VTI1A: variants seen among roughly 807,000 people sequenced by gnomAD.
VTI1A encodes vesicle transport through interaction with t-SNAREs homolog 1A.
VTI1A carries 22 observed loss-of-function variants against 34.9 expected under a neutral mutation model. The observed-to-expected ratio is 0.63, with a 90% CI of 0.45 to 0.90. The LOEUF (loss-of-function observed/expected upper bound fraction) is 0.90. Ranked by LOEUF, VTI1A falls within the 40% of genes least tolerant of loss-of-function variation. The probability of loss-of-function intolerance (pLI) is 0.00; values close to 1 mark genes in which losing one functional copy is unlikely to be tolerated. For missense variants in VTI1A, 268 were observed against 275.6 expected (o/e 0.97, Z 0.20); for synonymous variants, 87 against 97.3 (o/e 0.89, Z 0.62).
Position 112,527,155 on chromosome 10 carries a change from A to G in VTI1A, c.333A>G (p.Ser111=). Residue 111 remains serine, a synonymous_variant, in exon 4 of 8, where the codon TCA becomes TCG. Transcript: ENST00000393077. ...NELLGDDGNS[S]ENQRAHLLDN... ...TCCTGGGGGATGATGGGAATTCCTC[A>G]GAGAACCAGGTAGAATGCTAATCAG... is the stretch of plus-strand genomic sequence containing the variant. 6.2e-7 allele frequency: 1 copy of G among 1,613,486 alleles called. No homozygotes were observed. The highest frequency in any genetic ancestry group is 8.5e-7 in the Non-Finnish European group (1 of 1,179,650).
At position 112,464,290 on chromosome 10, in the gene VTI1A, G is replaced by A. The variant is rs529029162; in HGVS notation, c.154-257G>A. Among the ~76,000 whole-genome samples the A allele has an allele frequency of 3.7e-4, 56 of 152,334 alleles. No individual in the cohort carries two copies. In the South Asian group the frequency reaches 8.5e-3, roughly 23 times the overall value. ...TGGGATGATGGGCGTGAGCCACGGC[G>A]CCTGGCCAAATGTATATGTTTTAAC... On this transcript the variant is annotated intron_variant, in intron 2 of 7. Coordinates refer to ENST00000393077, the MANE Select transcript of VTI1A (RefSeq NM_145206.4).
At chr10:112,810,276 G>A (rs1019814364) in intron 7 of VTI1A, among the ~76,000 whole-genome samples, 1 of 151,694 alleles carries the variant, frequency 6.6e-6, no homozygotes, top group African/African-American at 2.4e-5. Flanking sequence ...GGTGGCAGGT[G>A]CCTGTAATCC....
intron 3 of VTI1A, among the ~76,000 whole-genome samples, chr10:112,518,500 A>G (rs1161109023): frequency 1.3e-5 from 2 of 150,108 alleles, no homozygotes; most frequent in African/African-American, 2.5e-5. Context: ...CTTAAGCCCA[A>G]GGAGTTCAAG....
intron 3 of VTI1A, among the ~76,000 whole-genome samples, chr10:112,507,726 CAAT>C (rs1020563022): frequency 1.3e-5 from 2 of 152,170 alleles, no homozygotes; most frequent in African/African-American, 2.4e-5. Flanking sequence ...TCTGAGCACT[CAAT>C]GATGAACTAT....
chr10:112,830,847 A>ATTT, the VTI1A span, among the ~76,000 whole-genome samples: 13 of 30,990 alleles, frequency 4.2e-4, no homozygotes, highest in South Asian at 1.4e-3. Context: ...ATATATATAT[A>ATTT]TATTTTTTTT....
At chr10:112,738,344 T>C (rs535128030) in intron 7 of VTI1A, among the ~76,000 whole-genome samples, 2 of 152,228 alleles carry the variant, frequency 1.3e-5, no homozygotes, top group Non-Finnish European at 2.9e-5. Context: ...TTCTTTCCTC[T>C]GTGCTTCCTC....
chr10:112,771,254 TA>T (rs1465553747), intron 7 of VTI1A, among the ~76,000 whole-genome samples: 3 of 152,248 alleles, frequency 2.0e-5, no homozygotes, highest in Non-Finnish European at 2.9e-5. Context: ...TTGGAAGAAC[TA>T]AATGAGATCA....
intron 7 of VTI1A, among the ~76,000 whole-genome samples, chr10:112,686,140 A>G (rs1166067574): frequency 6.6e-6 from 1 of 152,202 alleles, no homozygotes; most frequent in Non-Finnish European, 1.5e-5. Context: ...CTGAGTTACG[A>G]TACTTATAAG....
At chr10:112,625,927 ATAAGTCACG>A (rs1845906634) in intron 5 of VTI1A, among the ~76,000 whole-genome samples, 1 of 152,250 alleles carries the variant, frequency 6.6e-6, no homozygotes, top group Non-Finnish European at 1.5e-5. Flanking sequence ...TAAATCTCTA[ATAAGTCACG>A]TAAAGCACTT....
At chr10:112,757,227 G>T (rs754951796) in intron 7 of VTI1A, among the ~76,000 whole-genome samples, 3 of 151,882 alleles carry the variant, frequency 2.0e-5, no homozygotes, top group Non-Finnish European at 4.4e-5. Flanking sequence ...ACACAAAATT[G>T]CTATGTGATG....
chr10:112,648,392 A>G (rs543411825), intron 5 of VTI1A, among the ~76,000 whole-genome samples: 1 of 152,304 alleles, frequency 6.6e-6, no homozygotes, highest in East Asian at 1.9e-4. Flanking sequence ...AGCCCATAGC[A>G]TGCTTCTTTG....
intron 5 of VTI1A, among the ~76,000 whole-genome samples, chr10:112,551,054 G>C (rs190472422): frequency 1.3e-5 from 2 of 151,882 alleles, no homozygotes; most frequent in East Asian, 1.9e-4. Flanking sequence ...CCATCCTGGC[G>C]AACACTGTGA....
At chr10:112,448,191 G>T (rs1485009463) in intron 1 of VTI1A, among the ~76,000 whole-genome samples, 1 of 152,118 alleles carries the variant, frequency 6.6e-6, no homozygotes, top group African/African-American at 2.4e-5. Flanking sequence ...TTTTGGTGTT[G>T]TTAGTTGCTG....
the VTI1A span, among the ~76,000 whole-genome samples, chr10:112,841,099 C>A: frequency 6.6e-6 from 1 of 152,104 alleles, no homozygotes; most frequent in Admixed American, 6.5e-5. Context: ...TGTAGGCACA[C>A]CCCCCAGAGC....
At chr10:112,590,036 C>T (rs765981380) in intron 5 of VTI1A, among the ~76,000 whole-genome samples, 7 of 152,052 alleles carry the variant, frequency 4.6e-5, no homozygotes, top group Admixed American at 3.9e-4. Context: ...GCAGATTTCT[C>T]GTTTTCATGA....
intron 3 of VTI1A, among the ~76,000 whole-genome samples, chr10:112,476,475 G>T (rs1484600259): frequency 5.3e-5 from 8 of 152,158 alleles, no homozygotes; most frequent in Non-Finnish European, 1.2e-4. Flanking sequence ...GAACGTACTT[G>T]CTAGTCACTC....
intron 7 of VTI1A, among the ~76,000 whole-genome samples, chr10:112,760,165 A>G (rs570535464): frequency 2.7e-4 from 41 of 152,320 alleles, no homozygotes; most frequent in Non-Finnish European, 4.1e-4. Flanking sequence ...CCCTTATCCA[A>G]GGGGGATACG....
chr10:112,531,387 G>A (rs748637791), intron 4 of VTI1A, among the ~76,000 whole-genome samples: 7 of 150,440 alleles, frequency 4.7e-5, no homozygotes, highest in African/African-American at 1.5e-4. Context: ...GAGAAAATAC[G>A]AAATCACGAC....
At chr10:112,822,280 G>A (rs551626491), downstream of VTI1A, among the ~76,000 whole-genome samples, 32 of 152,274 alleles carry the variant, frequency 2.1e-4, no homozygotes, top group African/African-American at 7.0e-4. Flanking sequence ...TAAGGATTGC[G>A]TTCTGGCTTA....
Sources: allele counts gnomAD v4.1 joint callset (sites outside exome capture counted in the v4.1 genomes callset), GRCh38; gene constraint gnomAD v4.1.1; transcripts MANE v1.5; gene names NCBI Gene and HGNC (gene_info 2026-07-23, HGNC 2026-07-21).